DMD: variants seen among roughly 807,000 people sequenced by gnomAD.
DMD encodes dystrophin, also known as mutant dystrophin.
In DMD, 63 loss-of-function variants were observed where a neutral mutation model predicts 330.1. The observed-to-expected ratio is 0.19, with a 90% CI of 0.16 to 0.24. The LOEUF (loss-of-function observed/expected upper bound fraction) is 0.24. DMD is among the 10% of genes least tolerant of loss of function. The pLI is 1.00. For synonymous variants in DMD, 1,223 were observed against 959.8 expected (o/e 1.27, Z -5.07); for missense variants, 3,344 against 2,684.1 (o/e 1.25, Z -5.43).
chrX:32,489,651 G>A (rs1342053755), intron 20 of DMD, among the ~76,000 whole-genome samples: 1 of 111,460 alleles, frequency 9.0e-6, no homozygotes, highest in Non-Finnish European at 1.9e-5. Context: ...AGACTCAGCT[G>A]ATTAATACAC....
At chrX:32,095,796 A>T (rs983507128) in intron 44 of DMD, among the ~76,000 whole-genome samples, 3 of 112,121 alleles carry the variant, frequency 2.7e-5, no homozygotes, top group Non-Finnish European at 5.6e-5. Flanking sequence ...TTGGAAGCTC[A>T]TTATTAATCA....
intron 11 of DMD, among the ~76,000 whole-genome samples, chrX:32,642,697 C>A (rs1486400488): frequency 4.5e-5 from 5 of 111,716 alleles, no homozygotes; most frequent in African/African-American, 1.3e-4. Flanking sequence ...TTTCTTGCAA[C>A]TCAATTTCAC....
At chrX:32,526,604 TC>T (rs2046962575) in intron 17 of DMD, among the ~76,000 whole-genome samples, 1 of 111,736 alleles carries the variant, frequency 8.9e-6, no homozygotes, top group Non-Finnish European at 1.9e-5. Context: ...CAGTTGAATT[TC>T]CCATAAAAAT....
intron 63 of DMD, among the ~76,000 whole-genome samples, chrX:31,232,898 T>C (rs2047352456): frequency 8.9e-6 from 1 of 112,275 alleles, no homozygotes; most frequent in South Asian, 3.7e-4. Context: ...CTCAATTCCA[T>C]ATTTAGTCTG....
intron 1 of DMD, among the ~76,000 whole-genome samples, chrX:33,087,198 T>G (rs779309241): frequency 8.9e-6 from 1 of 111,974 alleles, no homozygotes; most frequent in South Asian, 3.7e-4. Flanking sequence ...AGGATTCCTG[T>G]GTAATTGCTA....
In DMD at chrX:33,002,762, A is replaced by G. The variant is rs12860449; in HGVS notation, c.93+17377T>C. On this transcript the variant is annotated intron_variant, in intron 2 of 78. Coordinates refer to ENST00000357033, the MANE Select transcript of DMD (RefSeq NM_004006.3). ...AAAGTTAGGGTTTTGCCTTCAGTTTAGTCCTAGGGAAGTCAGCGTGAAATG... is the reference window on the plus strand; with the variant it reads ...AAAGTTAGGGTTTTGCCTTCAGTTTGGTCCTAGGGAAGTCAGCGTGAAATG... Among the ~76,000 whole-genome samples, 4 of 97,812 alleles carry G rather than the reference A, an allele frequency of 4.1e-5. No individual in the cohort carries two copies. In the Admixed American group the frequency reaches 4.8e-4, roughly 12 times the overall value. The allele number at this position is 97,812 out of a possible 115,157, so 84.9% of individuals were successfully genotyped here.
chrX:32,100,447 A>C (rs1337960904), intron 44 of DMD, among the ~76,000 whole-genome samples: 1 of 108,761 alleles, frequency 9.2e-6, no homozygotes, highest in Non-Finnish European at 1.9e-5. Context: ...TCTCACAAGG[A>C]AGTTTAAAGC....
chrX:31,820,082 C>T lies in DMD; in HGVS notation c.7202G>A (p.Arg2401Lys). Residue 2401 changes from arginine to lysine, a missense_variant and splice_region_variant, in exon 50 of 79, where the codon AGG becomes AAG. Coordinates refer to ENST00000357033, the MANE Select transcript of DMD (RefSeq NM_004006.3). ...CTCAGAGCTCAGATCTTCTAACTTC[C>T]TCTTTAACAGAAAAGCATACACATT... ...KEKPATQPVK[R>K]KLEDLSSEWK... The T allele has an allele frequency of 8.3e-7, 1 of 1,198,640 alleles. No homozygotes were observed. Among genetic ancestry groups the T allele is most frequent in the Non-Finnish European group, 1.1e-6 (1 of 883,420 alleles).
chrX:31,272,275 C>T (rs931796908), intron 62 of DMD, among the ~76,000 whole-genome samples: 5 of 112,330 alleles, frequency 4.5e-5, no homozygotes, highest in African/African-American at 1.6e-4. Flanking sequence ...TCATTAACCT[C>T]ACAGGCCGAC....
chrX:31,874,976 A>C (rs2149678667), intron 48 of DMD, among the ~76,000 whole-genome samples: 1 of 111,289 alleles, frequency 9.0e-6, no homozygotes, highest in Admixed American at 9.6e-5. Flanking sequence ...TGCTGTATTT[A>C]GAGTTGAGCC....
intron 44 of DMD, among the ~76,000 whole-genome samples, chrX:32,038,898 G>C (rs1455188959): frequency 1.8e-5 from 2 of 111,273 alleles, no homozygotes; most frequent in East Asian, 5.7e-4. Flanking sequence ...CCCTGTAATC[G>C]TGTCACTTGG....
At chrX:31,949,003 T>A in intron 45 of DMD, among the ~76,000 whole-genome samples, 1 of 111,895 alleles carries the variant, frequency 8.9e-6, no homozygotes, top group African/African-American at 3.2e-5. Flanking sequence ...AGTACCACAC[T>A]GTCTTCATCA....
intron 44 of DMD, among the ~76,000 whole-genome samples, chrX:32,154,899 C>T (rs2096823167): frequency 9.1e-6 from 1 of 109,986 alleles, no homozygotes; most frequent in African/African-American, 3.3e-5. Flanking sequence ...TCTATTGTTC[C>T]CTGATGGAGT....
intron 48 of DMD, among the ~76,000 whole-genome samples, chrX:31,863,404 A>G (rs1308135802): frequency 8.9e-6 from 1 of 112,055 alleles, no homozygotes; most frequent in Non-Finnish European, 1.9e-5. Context: ...CTTCATTCCA[A>G]TTTTCTTGCC....
intron 50 of DMD, among the ~76,000 whole-genome samples, chrX:31,811,278 G>A (rs999859498): frequency 2.7e-5 from 3 of 112,299 alleles, no homozygotes; most frequent in African/African-American, 9.7e-5. Context: ...TGCCACTGTA[G>A]TGCCTTTCCT....
chrX:31,741,494 T>C (rs956854015), intron 51 of DMD, among the ~76,000 whole-genome samples: 1 of 111,730 alleles, frequency 9.0e-6, no homozygotes, highest in African/African-American at 3.3e-5. Flanking sequence ...ATCATTCTCT[T>C]TGGACATATT....
chrX:31,341,509 C>T (rs1055925215), intron 61 of DMD, among the ~76,000 whole-genome samples: 3 of 111,908 alleles, frequency 2.7e-5, no homozygotes, highest in Non-Finnish European at 5.6e-5. Flanking sequence ...TTTGATAAGG[C>T]AGTTTTTAGC....
At chrX:33,215,573 G>T (rs955840964), upstream of DMD, among the ~76,000 whole-genome samples, 1 of 111,306 alleles carries the variant, frequency 9.0e-6, no homozygotes, top group Non-Finnish European at 1.9e-5. Context: ...GGCTTTTGGG[G>T]ACTTAGTCAT....
intron 44 of DMD, among the ~76,000 whole-genome samples, chrX:32,068,144 A>G (rs1223771232): frequency 9.0e-6 from 1 of 111,151 alleles, no homozygotes; most frequent in African/African-American, 3.3e-5. Context: ...GGCTGCGTGT[A>G]TATCTTCTTT....
Sources: allele counts gnomAD v4.1 joint callset (sites outside exome capture counted in the v4.1 genomes callset), GRCh38; gene constraint gnomAD v4.1.1; transcripts MANE v1.5; gene names NCBI Gene and HGNC (gene_info 2026-07-23, HGNC 2026-07-21).